Variants in WIPF1 observed in about 807,000 individuals in gnomAD.
WIPF1 encodes WAS/WASL-interacting protein family member 1.
In WIPF1, 13 loss-of-function variants were observed where a neutral mutation model predicts 35.4. That is an observed-to-expected ratio of 0.37 (90% confidence interval 0.24 to 0.58). WIPF1 has a LOEUF of 0.58. Among genes scored for constraint, WIPF1 ranks in the 20% least tolerant of loss-of-function variants. WIPF1 has a pLI of 0.74. For synonymous variants in WIPF1, 267 were observed against 266.3 expected, an observed-to-expected ratio of 1.00 and a Z score of -0.02; for missense variants, 591 against 667.0, an observed-to-expected ratio of 0.89 and a Z score of 1.25.
At chr2:174,678,181 A>G (rs749937147) in intron 1 of WIPF1, among the ~76,000 whole-genome samples, 2 of 152,234 alleles carry the variant, frequency 1.3e-5, no homozygotes, top group Admixed American at 6.5e-5. Context: ...ATTCACTTAA[A>G]TTAATGTAAT....
chr2:174,648,761 A>C (rs544528980), intron 1 of WIPF1, among the ~76,000 whole-genome samples: 3 of 152,324 alleles, frequency 2.0e-5, no homozygotes, highest in Admixed American at 6.5e-5. Flanking sequence ...GTACAATTAG[A>C]TGCAAGAATT....
chr2:174,675,389 C>T (rs1374318682), intron 1 of WIPF1, among the ~76,000 whole-genome samples: 11 of 152,148 alleles, frequency 7.2e-5, no homozygotes, highest in Admixed American at 7.2e-4. Flanking sequence ...ACAGGTCTCG[C>T]TCTGTCATCC....
chr2:174,585,665 C>A, intron 1 of WIPF1, 54 bp from the exon 2 acceptor site: 1 of 1,284,078 alleles, frequency 7.8e-7, no homozygotes, highest in Admixed American at 2.2e-5. Context: ...TAATACTGTC[C>A]TAATCTGTCT....
chr2:174,594,103 CTCAG>C (rs1685720606), intron 1 of WIPF1, among the ~76,000 whole-genome samples: 1 of 152,200 alleles, frequency 6.6e-6, no homozygotes, highest in Non-Finnish European at 1.5e-5. Flanking sequence ...CTGCTCTTTT[CTCAG>C]TCAATCATCA....
intron 1 of WIPF1, among the ~76,000 whole-genome samples, chr2:174,625,229 C>T (rs989515786): frequency 3.3e-5 from 5 of 152,168 alleles, no homozygotes; most frequent in African/African-American, 7.2e-5. Flanking sequence ...TCATACCACC[C>T]GAGTAGCCTC....
intron 1 of WIPF1, among the ~76,000 whole-genome samples, chr2:174,624,200 A>G (rs1191137112): frequency 1.3e-5 from 2 of 152,224 alleles, no homozygotes; most frequent in Non-Finnish European, 2.9e-5. Context: ...CAACTGAACT[A>G]TGGGAGCAAA....
intron 1 of WIPF1, among the ~76,000 whole-genome samples, chr2:174,636,100 T>C (rs1468863987): frequency 1.3e-5 from 2 of 152,212 alleles, no homozygotes; most frequent in Non-Finnish European, 2.9e-5. Context: ...TTTGCCATCT[T>C]GGAGTCAGAA....
At chr2:174,583,795 A>C (rs1270059910) in intron 2 of WIPF1, among the ~76,000 whole-genome samples, 2 of 152,160 alleles carry the variant, frequency 1.3e-5, no homozygotes, top group Admixed American at 6.5e-5. Context: ...TCTCAAACTT[A>C]CCCATGTGAA....
intron 1 of WIPF1, among the ~76,000 whole-genome samples, chr2:174,633,440 A>G (rs557974358): frequency 2.0e-5 from 3 of 152,336 alleles, no homozygotes; most frequent in South Asian, 2.1e-4. Flanking sequence ...AGTTAACACA[A>G]TAACACAGTC....
intron 3 of WIPF1, among the ~76,000 whole-genome samples, chr2:174,579,443 AT>A (rs1333599461): frequency 6.6e-6 from 1 of 152,226 alleles, no homozygotes; most frequent in African/African-American, 2.4e-5. Flanking sequence ...CATGGTCAAC[AT>A]TTTGACATAC....
At chr2:174,570,415 C>G (rs1559146288) in intron 5 of WIPF1, 1 of 152,000 alleles carries the variant, frequency 6.6e-6, no homozygotes, top group Non-Finnish European at 1.5e-5. Context: ...TTCAGTATTT[C>G]TATAATAAAC....
chr2:174,643,697 A>C (rs901469220), intron 1 of WIPF1, among the ~76,000 whole-genome samples: 4 of 152,068 alleles, frequency 2.6e-5, no homozygotes, highest in African/African-American at 9.7e-5. Flanking sequence ...GGCGTGAGCC[A>C]CCATGCCTGG....
At chr2:174,664,089 A>G (rs6738901) in intron 1 of WIPF1, among the ~76,000 whole-genome samples, 43,859 of 151,936 alleles carry the variant, frequency 0.29, 7,094 homozygotes, top group African/African-American at 0.41. Context: ...TGCCTCCCTC[A>G]CCAGCCAGCA....
chr2:174,631,892 G>T (rs1416106106), intron 1 of WIPF1, among the ~76,000 whole-genome samples: 4 of 152,148 alleles, frequency 2.6e-5, no homozygotes, highest in Non-Finnish European at 5.9e-5. Flanking sequence ...GACATCTGTG[G>T]ATGTCGACCC....
rs1687587173 is a variant in WIPF1 at position 174,653,762 on chromosome 2, A to G, written c.-39+29012T>C. 5.3e-5 allele frequency among the ~76,000 whole-genome samples: 8 copies of G among 150,940 alleles called. No individual in the cohort carries two copies. The South Asian group carries it at 1.5e-3, about 27-fold the overall frequency. ...GTCTCAAAAAAAAAAAAAAAAAAAA[A>G]GAAACAGAGTTCACAGTACTTCTGA... On this transcript the variant is annotated intron_variant, in intron 1 of 8. Coordinates refer to the WIPF1 transcript ENST00000272746.
At chr2:174,676,943 C>T (rs1688145200) in intron 1 of WIPF1, 1 of 152,124 alleles carries the variant, frequency 6.6e-6, no homozygotes, top group South Asian at 2.1e-4. Context: ...GGGAAGATCG[C>T]TTGAGCCCAG....
intron 1 of WIPF1, among the ~76,000 whole-genome samples, chr2:174,589,598 G>A (rs1027604917): frequency 1.3e-5 from 2 of 151,998 alleles, no homozygotes; most frequent in Non-Finnish European, 1.5e-5. Context: ...CCCAGAGTCT[G>A]TGGATAGAAT....
chr2:174,681,977 G>A (rs1008237564), intron 1 of WIPF1, among the ~76,000 whole-genome samples: 1 of 152,214 alleles, frequency 6.6e-6, no homozygotes, highest in Non-Finnish European at 1.5e-5. Flanking sequence ...GATTAACAAA[G>A]GCTCACAGCG....
Position 174,561,637 on chromosome 2 carries a change from A to G in WIPF1, c.*910T>C, listed in dbSNP as rs948058742. 3 of 160,480 alleles carry G rather than the reference A, an allele frequency of 1.9e-5. No individual in the cohort carries two copies. Among genetic ancestry groups the G allele is most frequent in the Non-Finnish European group, 1.4e-5 (1 of 72,468 alleles). The allele number at this position is 160,480 out of a possible 1,614,324, so 9.9% of individuals were successfully genotyped here. A position where few individuals can be genotyped will look rare whatever the true frequency, so the allele number is the denominator to read the frequency against. ...TTAAGGGAGGAAAATCGAAGGTCAA[A>G]CTGTGTGTCAAACAAGGTGCTGGGT... On this transcript the variant is annotated 3_prime_UTR_variant, in exon 8 of 8. Coordinates refer to ENST00000679041, the MANE Select transcript of WIPF1 (RefSeq NM_001375834.1).
Sources: gnomAD v4.1 joint callset for allele counts (sites outside exome capture counted in the v4.1 genomes callset) on GRCh38, gnomAD v4.1.1 for gene constraint, MANE v1.5 for transcripts, NCBI Gene and HGNC (gene_info 2026-07-23, HGNC 2026-07-21) for gene names.